MAPK9: variants seen among roughly 807,000 people sequenced by gnomAD.
MAPK9 encodes Jun kinase.
Under a neutral mutation model 57.1 loss-of-function variants are expected in MAPK9, and 30 were observed. That is an observed-to-expected ratio of 0.53 (90% CI 0.39 to 0.71). The LOEUF (loss-of-function observed/expected upper bound fraction) is 0.71. Among genes scored for constraint, MAPK9 ranks in the 30% least tolerant of loss-of-function variants. The pLI is 0.00. For synonymous variants in MAPK9, 155 were observed against 177.0 expected (o/e 0.88, Z 0.99); for missense variants, 362 against 521.0 (o/e 0.69, Z 2.97).
intron 5 of MAPK9, among the ~76,000 whole-genome samples, chr5:180,254,423 A>G (rs533629984): frequency 6.6e-6 from 1 of 152,348 alleles, no homozygotes; most frequent in East Asian, 1.9e-4. Context: ...CTCAGAGATG[A>G]TAGTATATAC....
intron 7 of MAPK9, 139 bp from the exon 8 acceptor site, chr5:180,242,894 A>C: frequency 1.7e-6 from 1 of 604,068 alleles, no homozygotes; most frequent in Non-Finnish European, 2.7e-6. Context: ...ATAATATTCA[A>C]ATAAGGTTTG....
intron 4 of MAPK9, 111 bp downstream of exon 4, chr5:180,264,670 T>A: frequency 9.9e-7 from 1 of 1,007,038 alleles, no homozygotes; most frequent in South Asian, 1.8e-5. Context: ...ATCTGTGATG[T>A]CACAAAATGT....
intron 2 of MAPK9, among the ~76,000 whole-genome samples, chr5:180,270,450 A>G (rs1201801369): frequency 1.3e-5 from 2 of 152,218 alleles, no homozygotes; most frequent in Non-Finnish European, 2.9e-5. Flanking sequence ...AAATTGCACC[A>G]TTTATATGAA....
intron 8 of MAPK9, among the ~76,000 whole-genome samples, chr5:180,241,581 G>A (rs1483054597): frequency 6.6e-6 from 1 of 152,240 alleles, no homozygotes; most frequent in Non-Finnish European, 1.5e-5. Context: ...TTACAGGCGT[G>A]AGCCGCCGCA....
chr5:180,236,335 C>G lies in MAPK9; in HGVS notation c.*49G>C. The G allele has an allele frequency of 1.9e-6, 3 of 1,552,792 alleles. No individual in the cohort carries two copies. The highest frequency in any genetic ancestry group is 2.6e-6 in the Non-Finnish European group (3 of 1,142,962). Reference sequence around the variant, plus strand: ...TCAACTCCCAAGCATTTCAGGCCCACGGAGGTGAGAGTTCCTTCAATGCTG... The same window carrying G: ...TCAACTCCCAAGCATTTCAGGCCCAGGGAGGTGAGAGTTCCTTCAATGCTG... On this transcript the variant is annotated 3_prime_UTR_variant, in exon 12 of 12. Coordinates refer to ENST00000452135, the MANE Select transcript of MAPK9 (RefSeq NM_002752.5).
intron 11 of MAPK9, 105 bp downstream of exon 11, chr5:180,238,227 G>A (rs1757341426): frequency 8.9e-6 from 7 of 783,862 alleles, no homozygotes; most frequent in South Asian, 4.6e-5. Flanking sequence ...CAGAGATCGC[G>A]CCGCTGCTCT....
chr5:180,236,541 C>G lies in MAPK9; in HGVS notation c.1133-15G>C, dbSNP rs561947205. 49 of 1,607,524 alleles carry G rather than the reference C, an allele frequency of 3.0e-5. No individual in the cohort carries two copies. The South Asian group carries it at 5.2e-4, about 17-fold the overall frequency. On this transcript the variant is annotated splice_polypyrimidine_tract_variant and intron_variant, in intron 11 of 11. Coordinates refer to ENST00000452135, the MANE Select transcript of MAPK9 (RefSeq NM_002752.5). ...TACTGCTGCATCTGTGCTAAGAAAACCAAATATAATAAAATCTGAGGCACG... is the reference window on the plus strand; with the variant it reads ...TACTGCTGCATCTGTGCTAAGAAAAGCAAATATAATAAAATCTGAGGCACG...
chr5:180,268,057 G>C (rs3111516), intron 3 of MAPK9, among the ~76,000 whole-genome samples: 72 of 151,808 alleles, frequency 4.7e-4, no homozygotes, highest in African/African-American at 1.1e-3. Flanking sequence ...ATCTCCTGAC[G>C]TCATGATCCA....
At chr5:180,281,889 G>A (rs1046647773) in intron 1 of MAPK9, among the ~76,000 whole-genome samples, 9 of 152,152 alleles carry the variant, frequency 5.9e-5, no homozygotes, top group African/African-American at 2.2e-4. Context: ...CTCCAGTGAC[G>A]CCACAGCGCT....
chr5:180,240,533 C>T (rs1239642773), intron 9 of MAPK9, among the ~76,000 whole-genome samples: 1 of 152,238 alleles, frequency 6.6e-6, no homozygotes, highest in African/African-American at 2.4e-5. Flanking sequence ...CCTGCCACTA[C>T]GCAGTGATTT....
At chr5:180,277,327 G>C (rs1384630966) in intron 2 of MAPK9, among the ~76,000 whole-genome samples, 1 of 152,120 alleles carries the variant, frequency 6.6e-6, no homozygotes, top group Non-Finnish European at 1.5e-5. Context: ...CAGGCTCTGG[G>C]GGGAGTCTGC....
intron 8 of MAPK9, 135 bp downstream of exon 8, chr5:180,242,438 T>G: frequency 1.4e-6 from 1 of 730,828 alleles, no homozygotes; most frequent in South Asian, 1.9e-5. Context: ...CTCTCCTCAG[T>G]GCCTTCGTAC....
chr5:180,282,112 T>C (rs1581311592), intron 1 of MAPK9, among the ~76,000 whole-genome samples: 1 of 152,180 alleles, frequency 6.6e-6, no homozygotes, highest in African/African-American at 2.4e-5. Flanking sequence ...TGGCATCTCA[T>C]ACTCCAAGGA....
chr5:180,244,741 T>C (rs1407461930), intron 7 of MAPK9, among the ~76,000 whole-genome samples: 1 of 131,544 alleles, frequency 7.6e-6, no homozygotes, highest in African/African-American at 3.0e-5. Flanking sequence ...ATCGCTGCCC[T>C]CCAGCCTGGG....
At chr5:180,257,813 C>A in intron 5 of MAPK9, 1 of 169,510 alleles carries the variant, frequency 5.9e-6, no homozygotes. Context: ...GGCCAGATTC[C>A]AAATCTGAAC....
At chr5:180,253,786 G>C (rs1259974794) in intron 5 of MAPK9, 1 of 152,256 alleles carries the variant, frequency 6.6e-6, no homozygotes, top group Non-Finnish European at 1.5e-5. Flanking sequence ...CAGCAGCCAG[G>C]CTTACATCCC....
At chr5:180,288,597 C>T (rs1311892568) in intron 1 of MAPK9, among the ~76,000 whole-genome samples, 1 of 152,176 alleles carries the variant, frequency 6.6e-6, no homozygotes, top group Admixed American at 6.5e-5. Context: ...TGAGTGCAAT[C>T]GCTTCTGCAC....
rs757643684 is a variant in MAPK9, at chr5:180,247,840, C to G, written c.617-330G>C. The G allele has an allele frequency of 2.2e-5, 35 of 1,613,758 alleles. No individual in the cohort carries two copies. Among genetic ancestry groups the G allele is most frequent in the Non-Finnish European group, 2.9e-5 (34 of 1,179,816 alleles). The stretch of plus-strand genomic sequence containing the variant: ...AGCCTCCATGGCCAAGTACCGGGTC[C>G]CCTGTGAAGGATACAGTCTCTTCCC... On this transcript the variant is annotated intron_variant, in intron 6 of 11. Coordinates refer to ENST00000452135, the MANE Select transcript of MAPK9 (RefSeq NM_002752.5). This position sits in a 1 kb window ranked among gnomAD's most constrained non-coding sequence, Gnocchi z 4.5.
At chr5:180,241,298 C>T in intron 8 of MAPK9, 143 bp from the exon 9 acceptor site, 1 of 884,112 alleles carries the variant, frequency 1.1e-6, no homozygotes, top group Non-Finnish European at 1.6e-6. Flanking sequence ...ATGAATATAA[C>T]CCAAAATTTT....
Sources: allele counts gnomAD v4.1 joint callset (sites outside exome capture counted in the v4.1 genomes callset), GRCh38; gene constraint gnomAD v4.1.1; non-coding constraint Gnocchi (gnomAD v3.1); transcripts MANE v1.5; gene names NCBI Gene and HGNC (gene_info 2026-07-23, HGNC 2026-07-21).